Variants in LRRC66 observed in about 807,000 individuals in gnomAD.
LRRC66 encodes the protein leucine rich repeat containing 66.
A neutral mutation model predicts 24.6 loss-of-function variants in LRRC66; 29 were observed. The observed-to-expected ratio is 1.18, with a 90% CI of 0.88 to 1.61. The LOEUF (loss-of-function observed/expected upper bound fraction) is 1.61, where lower values mean the gene tolerates loss of function less well. Ranked by LOEUF, LRRC66 falls within the 40% of genes most tolerant of loss-of-function variation. The pLI is 0.00. For missense variants in LRRC66, 1,124 were observed against 1,058.0 expected, an observed-to-expected ratio of 1.06 and a Z score of -0.87; for synonymous variants, 411 against 397.6, an observed-to-expected ratio of 1.03 and a Z score of -0.40.
chr4:52,018,029 A>C (rs1452630012), intron 1 of LRRC66: 1 of 985,322 alleles, frequency 1.0e-6, no homozygotes, highest in Non-Finnish European at 1.2e-6. Context: ...ATAGTAATCA[A>C]CCATGTAGTT....
chr4:52,017,553 T>C lies in LRRC66; in HGVS notation c.61A>G (p.Met21Val). 6.2e-7 allele frequency: 1 copy of C among 1,609,936 alleles called. No homozygotes were observed. Among genetic ancestry groups the C allele is most frequent in the South Asian group, 1.1e-5 (1 of 90,472 alleles). ...IVIGLYFTGI[M>V]TNASRKSNIL... ...TTGCTTTTTCTTGATGCATTTGTCATTATTCCAGTAAAATAAAGACCTATA... is the reference window on the plus strand; with the variant it reads ...TTGCTTTTTCTTGATGCATTTGTCACTATTCCAGTAAAATAAAGACCTATA... The change falls in exon 2 of 5, where the codon ATG becomes GTG. Residue 21 changes from methionine (M) to valine (V), a missense_variant. Met to Val is a conservative substitution (Grantham distance 21, BLOSUM62 1). Coordinates refer to ENST00000682860, the MANE Select transcript of LRRC66 (RefSeq NM_001024611.3).
At chr4:52,014,976 AAAG>A (rs1306108100) in intron 2 of LRRC66, among the ~76,000 whole-genome samples, 2 of 152,204 alleles carry the variant, frequency 1.3e-5, no homozygotes, top group Admixed American at 6.5e-5. Context: ...TAACTCAAAA[AAAG>A]AAGATGGATC....
In LRRC66 at chr4:52,017,277, C is replaced by A; in HGVS notation, c.337G>T (p.Val113Leu). The part of the protein sequence containing the change: ...SPFAYLHALE[V>L]LNLSNNAIHS... ...ATGGCATTGTTGCTGAGGTTTAACA[C>A]TTCCAAAGCATGTAAATATGCAAAA... The change falls in exon 2 of 5, where the codon GTG becomes TTG. Residue 113 changes from valine to leucine, a missense_variant. Transcript: ENST00000682860. 1 of 1,614,170 alleles carries A rather than the reference C, an allele frequency of 6.2e-7. No individual in the cohort carries two copies. Among genetic ancestry groups the A allele is most frequent in the Non-Finnish European group, 8.5e-7 (1 of 1,180,004 alleles).
At chr4:52,018,675 C>A in intron 1 of LRRC66, 1 of 856,394 alleles carries the variant, frequency 1.2e-6, no homozygotes, top group Non-Finnish European at 1.4e-6. Flanking sequence ...TTGAAATCCT[C>A]AAAGGGCTCC....
chr4:52,003,763 A>C (rs1201249979), intron 2 of LRRC66, among the ~76,000 whole-genome samples: 1 of 152,224 alleles, frequency 6.6e-6, no homozygotes, highest in Admixed American at 6.5e-5. Context: ...AGGGAAGTGA[A>C]GAGGGATAAG....
rs779898899 is a variant in LRRC66, at chr4:51,996,062, T to C, written c.960A>G (p.Lys320=). The C allele has an allele frequency of 6.2e-7, 1 of 1,614,064 alleles. No individual in the cohort carries two copies. Among genetic ancestry groups the C allele is most frequent in the Non-Finnish European group, 8.5e-7 (1 of 1,180,012 alleles). Residue 320 remains lysine (K), a synonymous_variant, in exon 5 of 5, where the codon AAA becomes AAG. Coordinates refer to ENST00000682860, the MANE Select transcript of LRRC66 (RefSeq NM_001024611.3). ...LHRMKSLIRS[K]AERPQGGRHT... is the part of the protein sequence containing the mutation. ...GCCTTCCTCCCTGGGGCCTCTCTGC[T>C]TTGCTCCTTATGAGGCTTTTCATGC...
At position 51,995,293 on chromosome 4, in the gene LRRC66, C is replaced by T; in HGVS notation, c.1729G>A (p.Asp577Asn). Residue 577 changes from aspartate to asparagine, a missense_variant, in exon 5 of 5, where the codon GAC (aspartate) becomes AAC (asparagine). Coordinates refer to ENST00000682860, the MANE Select transcript of LRRC66 (RefSeq NM_001024611.3). ...GSSRYDSNELDPSLSGEITAS... is the reference protein window; with the variant it reads ...GSSRYDSNELNPSLSGEITAS... ...GTTATTTCTCCGGAGAGGGAAGGGT[C>T]TAATTCATTGGAATCATAACGGCTT... is the stretch of plus-strand genomic sequence containing the variant. The T allele has an allele frequency of 6.2e-7, 1 of 1,614,172 alleles. No individual in the cohort carries two copies. Among genetic ancestry groups the T allele is most frequent in the Non-Finnish European group, 8.5e-7 (1 of 1,180,042 alleles).
chr4:52,001,996 T>C (rs1736456909), intron 3 of LRRC66, among the ~76,000 whole-genome samples: 1 of 152,182 alleles, frequency 6.6e-6, no homozygotes, highest in Non-Finnish European at 1.5e-5. Context: ...ACCAGGCATA[T>C]GCTAAGCACT....
intron 2 of LRRC66, among the ~76,000 whole-genome samples, chr4:52,016,187 C>T (rs1736804958): frequency 6.6e-6 from 1 of 152,136 alleles, no homozygotes; most frequent in Admixed American, 6.5e-5. Flanking sequence ...CCTATACCTG[C>T]TAGGCTATTA....
chr4:51,997,914 A>C lies in LRRC66; in HGVS notation c.690T>G (p.Ala230=), dbSNP rs754381443. The C allele has an allele frequency of 6.2e-7, 1 of 1,614,082 alleles. No homozygotes were observed. The highest frequency in any genetic ancestry group is 1.1e-5 in the South Asian group (1 of 91,080). Residue 230 remains alanine, a synonymous_variant, in exon 4 of 5, where the codon GCT becomes GCG. Transcript: ENST00000682860. ...TCATCATTGGTAGGATGGTAATCAG[A>C]GCATTGTTGCTAAGGTCTATGACCT... ...KLQVIDLSNN[A]LITILPMMII...
At chr4:52,010,452 T>C (rs1475581142) in intron 2 of LRRC66, among the ~76,000 whole-genome samples, 1 of 152,148 alleles carries the variant, frequency 6.6e-6, no homozygotes, top group Non-Finnish European at 1.5e-5. Flanking sequence ...CAATAGGTAG[T>C]TTTTCAGCTT....
At position 52,003,395 on chromosome 4, in the gene LRRC66, GTTAA is replaced by G; in HGVS notation, c.497-7_497-4del. 6.2e-7 allele frequency: 1 copy of G among 1,605,032 alleles called. No individual in the cohort carries two copies. The highest frequency in any genetic ancestry group is 1.7e-4 in the Middle Eastern group (1 of 6,012). ...CAATGACTTCAGTTTCCACAGTCCT[GTTAA>G]AATGAAAAAGTAAGTTGAAATCTAA... is the stretch of plus-strand genomic sequence containing the variant. On this transcript the variant is annotated splice_region_variant and splice_polypyrimidine_tract_variant and intron_variant, in intron 2 of 4. Coordinates refer to ENST00000682860, the MANE Select transcript of LRRC66 (RefSeq NM_001024611.3).
chr4:51,997,037 A>G (rs761022081), intron 4 of LRRC66, among the ~76,000 whole-genome samples: 2 of 152,230 alleles, frequency 1.3e-5, no homozygotes. Flanking sequence ...AGGCATGGCC[A>G]TGTTCCTACT....
intron 3 of LRRC66, among the ~76,000 whole-genome samples, chr4:52,002,652 G>A (rs1451904863): frequency 6.6e-6 from 1 of 152,210 alleles, no homozygotes; most frequent in Non-Finnish European, 1.5e-5. Context: ...CCCAATATGG[G>A]TTGGACGTTT....
chr4:51,995,160 G>C lies in LRRC66; in HGVS notation c.1862C>G (p.Ser621Cys), dbSNP rs768174867. 6.2e-7 allele frequency: 1 copy of C among 1,614,208 alleles called. No individual in the cohort carries two copies. Residue 621 changes from serine to cysteine, a missense_variant, in exon 5 of 5, where the codon TCT (serine) becomes TGT (cysteine). Ser to Cys is a moderately radical substitution (Grantham distance 112). Transcript: ENST00000682860. ...GGATGAACTCACTTGCCTTTCCTTA[G>C]AAAATTCCATCTGCGAGTCCCAAAG... ...QSLWDSQMEF[S>C]KERQVSSSID... is the part of the protein sequence containing the mutation.
intron 2 of LRRC66, among the ~76,000 whole-genome samples, chr4:52,011,638 G>A (rs560063765): frequency 6.6e-6 from 1 of 152,270 alleles, no homozygotes; most frequent in East Asian, 1.9e-4. Flanking sequence ...GACTCAGGAC[G>A]ATCAAGTGGC....
rs377708980 is a variant in LRRC66 at position 51,994,214 on chromosome 4, C to T, written c.*165G>A. The T allele has an allele frequency of 3.0e-5, 19 of 639,502 alleles. No individual in the cohort carries two copies. The highest frequency in any genetic ancestry group is 1.1e-4 in the African/African-American group (6 of 54,572). 39.6% of individuals were successfully genotyped at this position (639,502 alleles called of 1,614,324 possible). A position where few individuals can be genotyped will look rare whatever the true frequency, so the allele number is the denominator to read the frequency against. On this transcript the variant is annotated 3_prime_UTR_variant, in exon 5 of 5. Transcript: ENST00000682860. ...TAGCTTATAACCCTTCTAGAATCAT[C>T]GCCCTCAAGTGGGCCCACAAAACCC...
intron 2 of LRRC66, among the ~76,000 whole-genome samples, chr4:52,012,998 G>A (rs1736733588): frequency 6.6e-6 from 1 of 152,168 alleles, no homozygotes; most frequent in Non-Finnish European, 1.5e-5. Flanking sequence ...AGTCCAAAGA[G>A]CAATTAAGAA....
intron 2 of LRRC66, among the ~76,000 whole-genome samples, chr4:52,012,693 T>A (rs75833795): frequency 3.0e-3 from 461 of 152,186 alleles, no homozygotes; most frequent in Non-Finnish European, 5.3e-3. Flanking sequence ...AGAGGAGAGT[T>A]GAATGCTGGG....
Sources: allele counts gnomAD v4.1 joint callset (sites outside exome capture counted in the v4.1 genomes callset), GRCh38; gene constraint gnomAD v4.1.1; transcripts MANE v1.5; gene names NCBI Gene and HGNC (gene_info 2026-07-23, HGNC 2026-07-21).